TBX18: variants seen among roughly 807,000 people sequenced by gnomAD.
TBX18 encodes T-box transcription factor 18.
TBX18 carries 21 observed loss-of-function variants against 55.0 expected under a neutral mutation model. The observed-to-expected ratio is 0.38, with a 90% CI of 0.27 to 0.55. TBX18 has a LOEUF of 0.55. Ranked by LOEUF, TBX18 falls within the 20% of genes least tolerant of loss-of-function variation. The probability of loss-of-function intolerance (pLI) is 0.73; values close to 1 mark genes in which losing one functional copy is unlikely to be tolerated. For missense variants in TBX18, 840 were observed against 799.6 expected, an observed-to-expected ratio of 1.05 and a Z score of -0.61; for synonymous variants, 342 against 326.1, an observed-to-expected ratio of 1.05 and a Z score of -0.53.
rs144260837 is a variant in TBX18 at position 84,753,693 on chromosome 6, A to G, written c.771+3005T>C. Among the ~76,000 whole-genome samples, 256 of 152,326 alleles carry G rather than the reference A, an allele frequency of 1.7e-3. 1 individual carries two copies. Among genetic ancestry groups the G allele is most frequent in the Non-Finnish European group, 3.1e-3 (209 of 68,024 alleles). On this transcript the variant is annotated intron_variant, in intron 4 of 7. Transcript: ENST00000369663. ...GTCTTCTTATACCCTGAACACAATCAACAATAAAATCAGAAACAAATTCCT... is the reference window on the plus strand; with the variant it reads ...GTCTTCTTATACCCTGAACACAATCGACAATAAAATCAGAAACAAATTCCT...
At chr6:84,763,067 C>T in intron 1 of TBX18, 2 of 462,580 alleles carry the variant, frequency 4.3e-6, no homozygotes, top group South Asian at 4.5e-5. Context: ...CTTCACGCCG[C>T]CGCCGGGGTC....
Position 84,736,852 on chromosome 6 carries a change from T to C in TBX18, c.1657A>G (p.Ser553Gly). The change falls in exon 8 of 8, where the codon AGT becomes GGT. Residue 553 changes from serine (S) to glycine (G), a missense_variant. Ser to Gly is a moderately conservative substitution (Grantham distance 56, BLOSUM62 0). Transcript: ENST00000369663. ...SPEKIVSSQG[S>G]FLGSSPSGTM... Reference sequence around the variant, plus strand: ...CCACTCGGTGAGGACCCCAAGAAACTTCCTTGGGAAGAAACAATTTTCTCA... The same window carrying C: ...CCACTCGGTGAGGACCCCAAGAAACCTCCTTGGGAAGAAACAATTTTCTCA... 1.2e-6 allele frequency: 2 copies of C among 1,613,544 alleles called. No homozygotes were observed. Among genetic ancestry groups the C allele is most frequent in the Non-Finnish European group, 1.7e-6 (2 of 1,179,866 alleles).
intron 7 of TBX18, among the ~76,000 whole-genome samples, chr6:84,737,662 G>C (rs565608118): frequency 6.6e-6 from 1 of 152,314 alleles, no homozygotes; most frequent in East Asian, 1.9e-4. Flanking sequence ...GTGAAACTTA[G>C]AGAGGGTAGT....
Position 84,759,347 on chromosome 6 carries a change from A to T in TBX18, c.599+908T>A, listed in dbSNP as rs545697368. On this transcript the variant is annotated intron_variant, in intron 3 of 7. Transcript: ENST00000369663. Reference sequence around the variant, plus strand: ...TTAAATTGTTGAAGTGATAAAAAACAAATCTGATTTTGTTTAAACTTACTA... The same window carrying T: ...TTAAATTGTTGAAGTGATAAAAAACTAATCTGATTTTGTTTAAACTTACTA... Among the ~76,000 whole-genome samples, 5 of 152,292 alleles carry T rather than the reference A, an allele frequency of 3.3e-5. No homozygotes were observed. The South Asian group carries it at 1.0e-3, about 32-fold the overall frequency.
intron 6 of TBX18, 22 bp from the exon 7 acceptor site, chr6:84,738,613 A>G (rs1238007890): frequency 6.3e-7 from 1 of 1,588,530 alleles, no homozygotes; most frequent in Non-Finnish European, 8.6e-7. Context: ...GGGTCAGGAT[A>G]GGGGTGGACA....
At chr6:84,740,220 C>A (rs1767012184) in intron 6 of TBX18, among the ~76,000 whole-genome samples, 1 of 152,160 alleles carries the variant, frequency 6.6e-6, no homozygotes, top group East Asian at 1.9e-4. Context: ...AGAACAGAAT[C>A]TGGCTTCAGA....
At chr6:84,763,814 G>C in intron 1 of TBX18, 76 bp downstream of exon 1, 1 of 1,425,206 alleles carries the variant, frequency 7.0e-7, no homozygotes, top group Admixed American at 3.0e-5. Flanking sequence ...GACGCGGCGC[G>C]CACGCACACC....
intron 4 of TBX18, among the ~76,000 whole-genome samples, chr6:84,751,367 T>C (rs1767343897): frequency 6.6e-6 from 1 of 152,192 alleles, no homozygotes; most frequent in Non-Finnish European, 1.5e-5. Context: ...GTGGGGTATA[T>C]TGGAGTAGGA....
intron 5 of TBX18, among the ~76,000 whole-genome samples, chr6:84,746,469 G>T (rs1767192836): frequency 7.0e-6 from 1 of 143,778 alleles, no homozygotes; most frequent in Non-Finnish European, 1.5e-5. Context: ...ATATATTATT[G>T]TACAGTATAT....
At chr6:84,758,159 A>G (rs1027329350) in intron 3 of TBX18, among the ~76,000 whole-genome samples, 1 of 152,094 alleles carries the variant, frequency 6.6e-6, no homozygotes, top group Non-Finnish European at 1.5e-5. Context: ...TATAATCCCA[A>G]CACTTTGGGA....
chr6:84,748,611 A>T lies in TBX18; in HGVS notation c.772-524T>A, dbSNP rs776183429. Among the ~76,000 whole-genome samples the T allele has an allele frequency of 2.0e-4, 31 of 152,318 alleles. 2 individuals are homozygous for T. The highest frequency in any genetic ancestry group is 1.4e-3 in the South Asian group (7 of 4,828). On this transcript the variant is annotated intron_variant, in intron 4 of 7. Transcript: ENST00000369663. ...CATCTGTTTTTTGTGTGGCTCACAA[A>T]GTCTCTGGTTTGCTGGGAGCGCCCA...
At chr6:84,763,174 A>C in intron 1 of TBX18, 1 of 355,930 alleles carries the variant, frequency 2.8e-6, no homozygotes. Context: ...AAGCAGCAAA[A>C]GCGCCCGGAC....
chr6:84,749,476 ATTTT>A (rs1015411996), intron 4 of TBX18, among the ~76,000 whole-genome samples: 2 of 126,046 alleles, frequency 1.6e-5, no homozygotes, highest in Non-Finnish European at 3.4e-5. Context: ...TGTGGCTAAG[ATTTT>A]TTTTTTCTTT....
chr6:84,744,178 A>T, intron 6 of TBX18, 83 bp downstream of exon 6: 2 of 1,183,096 alleles, frequency 1.7e-6, no homozygotes, highest in Non-Finnish European at 2.4e-6. Context: ...TAGTAAATTT[A>T]GCCATTTACT....
Position 84,762,639 on chromosome 6 carries a change from G to T in TBX18, c.402C>A (p.Pro134=). The T allele has an allele frequency of 6.2e-7, 1 of 1,612,138 alleles. No homozygotes were observed. The highest frequency in any genetic ancestry group is 8.5e-7 in the Non-Finnish European group (1 of 1,179,242). The change falls in exon 2 of 8, where the codon CCC becomes CCA. Residue 134 remains proline (P), a synonymous_variant. Transcript: ENST00000369663. ...GATCCACCCGCGGGGCCTGCGGCGA[G>T]GGCAGAGGGGTCCCGGGCCGGGCCA... The part of the protein sequence containing the change: ...RSLARPGTPL[P]SPQAPRVDLQ...
At position 84,751,268 on chromosome 6, in the gene TBX18, G is replaced by A. The variant is rs368181131; in HGVS notation, c.772-3181C>T. On this transcript the variant is annotated intron_variant, in intron 4 of 7. Transcript: ENST00000369663. ...AGCAGGTTCTTGTTTTATGAAGACT[G>A]TTCTCTCAAGGAGATTTCTCCATAT... 3.3e-5 allele frequency among the ~76,000 whole-genome samples: 5 copies of A among 152,246 alleles called. No homozygotes were observed. The East Asian group carries it at 7.7e-4, about 24-fold the overall frequency.
At position 84,744,643 on chromosome 6, in the gene TBX18, A is replaced by G. The variant is rs187743628; in HGVS notation, c.940-318T>C. Among the ~76,000 whole-genome samples, 4 of 152,278 alleles carry G rather than the reference A, an allele frequency of 2.6e-5. No homozygotes were observed. The East Asian group carries it at 5.8e-4, about 22-fold the overall frequency. ...CTGTTGGTAACGTGCCCTATAATTG[A>G]CAATTCCCTCTGAACTGAAGTTCTT... is the stretch of plus-strand genomic sequence containing the variant. On this transcript the variant is annotated intron_variant, in intron 5 of 7. Transcript: ENST00000369663.
At chr6:84,749,444 A>T (rs1191215898) in intron 4 of TBX18, among the ~76,000 whole-genome samples, 1 of 151,276 alleles carries the variant, frequency 6.6e-6, no homozygotes, top group African/African-American at 2.4e-5. Flanking sequence ...CCACAAGAAG[A>T]TTCTTTACTT....
In TBX18 at chr6:84,756,962, C is replaced by G. The variant is rs1340653628; in HGVS notation, c.600-93G>C. 5.7e-6 allele frequency: 7 copies of G among 1,238,562 alleles called. No homozygotes were observed. The Admixed American group carries it at 1.7e-4, about 31-fold the overall frequency. The allele number at this position is 1,238,562 out of a possible 1,614,324, so 76.7% of individuals were successfully genotyped here. A position where few individuals can be genotyped will look rare whatever the true frequency, so the allele number is the denominator to read the frequency against. ...GACAAAATGTGTGCCTATTTTGTTT[C>G]AGTTTTAAAATAAATCAATTTCCTC... On this transcript the variant is annotated intron_variant, in intron 3 of 7. Transcript: ENST00000369663.
Sources: allele counts gnomAD v4.1 joint callset (sites outside exome capture counted in the v4.1 genomes callset), GRCh38; gene constraint gnomAD v4.1.1; transcripts MANE v1.5; gene names NCBI Gene and HGNC (gene_info 2026-07-23, HGNC 2026-07-21).